PLXDC2: variants seen among roughly 807,000 people sequenced by gnomAD.
PLXDC2 encodes the protein plexin domain containing 2, also known as plexin domain-containing protein 2.
A neutral mutation model predicts 68.9 loss-of-function variants in PLXDC2; 40 were observed. The observed-to-expected ratio is 0.58, with a 90% CI of 0.45 to 0.76. The LOEUF (loss-of-function observed/expected upper bound fraction) is 0.76. Among genes scored for constraint, PLXDC2 ranks in the 30% least tolerant of loss-of-function variants. The probability of loss-of-function intolerance (pLI) is 0.00; values close to 1 mark genes in which losing one functional copy is unlikely to be tolerated. For missense variants in PLXDC2, 644 were observed against 661.9 expected (o/e 0.97, Z 0.30); for synonymous variants, 243 against 234.2 (o/e 1.04, Z -0.34).
At chr10:20,150,415 G>A (rs1051987288) in intron 6 of PLXDC2, among the ~76,000 whole-genome samples, 1 of 152,152 alleles carries the variant, frequency 6.6e-6, no homozygotes, top group Non-Finnish European at 1.5e-5. Context: ...GTGTAAATTA[G>A]TTCAGCTACT....
At chr10:20,199,614 A>G (rs1022893670) in intron 9 of PLXDC2, among the ~76,000 whole-genome samples, 6 of 152,052 alleles carry the variant, frequency 3.9e-5, no homozygotes, top group Non-Finnish European at 7.4e-5. Flanking sequence ...TTATATAAGA[A>G]GAATGAATAT....
At chr10:19,835,931 G>C (rs529715192) in intron 1 of PLXDC2, among the ~76,000 whole-genome samples, 6 of 152,120 alleles carry the variant, frequency 3.9e-5, no homozygotes, top group East Asian at 1.9e-4. Flanking sequence ...CAGCACTTTG[G>C]GGGGCTGACA....
chr10:20,148,075 A>G (rs544047800), intron 6 of PLXDC2, among the ~76,000 whole-genome samples, 173 bp downstream of exon 6: 1 of 152,138 alleles, frequency 6.6e-6, no homozygotes, highest in East Asian at 1.9e-4. Context: ...TTCTGGGTGC[A>G]TTGATTGTTA....
At chr10:20,172,230 G>GAA (rs571463676) in intron 7 of PLXDC2, among the ~76,000 whole-genome samples, 6,935 of 110,526 alleles carry the variant, frequency 0.063, 276 homozygotes, top group Middle Eastern at 0.096. Context: ...TTGTGAAAAG[G>GAA]AAAAAAAAAA....
chr10:20,185,372 G>A lies in PLXDC2; in HGVS notation c.1061+7963G>A, dbSNP rs1023473758. ...CCTAGCATATTTTGACTTTATCTGA[G>A]TTTTGCCTACTTGTTCACCACAGAG... is the stretch of plus-strand genomic sequence containing the variant. On this transcript the variant is annotated intron_variant, in intron 9 of 13. Transcript: ENST00000377252. Among the ~76,000 whole-genome samples the A allele has an allele frequency of 2.6e-5, 4 of 151,940 alleles. No individual in the cohort carries two copies. In the South Asian group the frequency reaches 6.2e-4, roughly 24 times the overall value.
chr10:20,044,135 C>CCTCCCTCCCTCCCTCT (rs1420390475), intron 2 of PLXDC2, among the ~76,000 whole-genome samples: 5 of 141,340 alleles, frequency 3.5e-5, no homozygotes, highest in Admixed American at 6.9e-5. Context: ...TCCCTCCCTC[C>CCTCCCTCCCTCCCTCT]CTCTCTCTCT....
rs1836147999 is a variant in PLXDC2, at chr10:20,285,938, C to T, written c.*6119C>T. On this transcript the variant is annotated 3_prime_UTR_variant, in exon 14 of 14. Transcript: ENST00000377252. ...TAAGGTTTTGATTAAGTTGATCTAG[C>T]CTCAACTTAAATTGTAATACATCTG... 1 of 152,136 alleles carries T rather than the reference C, an allele frequency of 6.6e-6. No individual in the cohort carries two copies. Among genetic ancestry groups the T allele is most frequent in the Non-Finnish European group, 1.5e-5 (1 of 68,024 alleles). The allele number at this position is 152,136 out of a possible 1,614,324, so 9.4% of individuals were successfully genotyped here.
intron 1 of PLXDC2, among the ~76,000 whole-genome samples, chr10:19,960,588 A>G (rs187624239): frequency 3.9e-5 from 6 of 152,106 alleles, no homozygotes; most frequent in Admixed American, 3.9e-4. Flanking sequence ...AAAGTAGAAC[A>G]CTTCTCTCCA....
chr10:20,116,610 C>G (rs1833626379), intron 4 of PLXDC2, among the ~76,000 whole-genome samples: 1 of 151,986 alleles, frequency 6.6e-6, no homozygotes, highest in African/African-American at 2.4e-5. Flanking sequence ...AATGAAGTAA[C>G]ATTAGAAGTA....
At chr10:20,253,174 G>A (rs1588545109) in intron 13 of PLXDC2, among the ~76,000 whole-genome samples, 1 of 151,812 alleles carries the variant, frequency 6.6e-6, no homozygotes, top group African/African-American at 2.4e-5. Flanking sequence ...AGACCAGCCT[G>A]GCCAACATGG....
At chr10:20,162,146 AAAAG>A (rs1834308656) in intron 6 of PLXDC2, among the ~76,000 whole-genome samples, 4 of 150,622 alleles carry the variant, frequency 2.7e-5, no homozygotes, top group Non-Finnish European at 4.4e-5. Flanking sequence ...GAAGGAAAGA[AAAAG>A]GAAGGAAGGA....
chr10:20,229,094 G>A (rs761915288), intron 12 of PLXDC2, among the ~76,000 whole-genome samples: 1 of 152,140 alleles, frequency 6.6e-6, no homozygotes, highest in African/African-American at 2.4e-5. Context: ...CACAGGTGCT[G>A]AGGAGAAAGA....
intron 2 of PLXDC2, among the ~76,000 whole-genome samples, chr10:20,002,329 A>T (rs555791537): frequency 1.3e-5 from 2 of 149,528 alleles, no homozygotes; most frequent in Admixed American, 6.8e-5. Context: ...GCACAATCTC[A>T]GCTCACTGCA....
chr10:20,208,532 A>G (rs1347132426), intron 9 of PLXDC2, among the ~76,000 whole-genome samples: 1 of 152,180 alleles, frequency 6.6e-6, no homozygotes, highest in Non-Finnish European at 1.5e-5. Context: ...AGTATATCAT[A>G]TATGTTTATA....
At chr10:19,995,244 G>A (rs1834823929) in intron 1 of PLXDC2, among the ~76,000 whole-genome samples, 1 of 152,174 alleles carries the variant, frequency 6.6e-6, no homozygotes, top group Non-Finnish European at 1.5e-5. Flanking sequence ...TCATGGTTAT[G>A]ATTTATTACA....
At chr10:19,987,463 G>T (rs952082868) in intron 1 of PLXDC2, among the ~76,000 whole-genome samples, 3 of 152,022 alleles carry the variant, frequency 2.0e-5, no homozygotes, top group African/African-American at 7.2e-5. Flanking sequence ...TGCAAATCTG[G>T]ATGTAAATGG....
chr10:20,100,518 TG>T (rs1287807429), intron 4 of PLXDC2, among the ~76,000 whole-genome samples: 1 of 152,202 alleles, frequency 6.6e-6, no homozygotes, highest in Non-Finnish European at 1.5e-5. Flanking sequence ...AAGCATTTTG[TG>T]TAATTCAGAA....
In PLXDC2 at chr10:20,287,985, AGG is replaced by A. The variant is rs1176860580; in HGVS notation, c.*8176_*8177del. The A allele has an allele frequency of 5.1e-4, 17 of 33,210 alleles. No homozygotes were observed. Among genetic ancestry groups the A allele is most frequent in the Non-Finnish European group, 1.1e-3 (17 of 15,918 alleles). The allele number at this position is 33,210 out of a possible 1,614,324, so 2.1% of individuals were successfully genotyped here. A position where few individuals can be genotyped will look rare whatever the true frequency, so the allele number is the denominator to read the frequency against. On this transcript the variant is annotated 3_prime_UTR_variant, in exon 14 of 14. Transcript: ENST00000377252. The stretch of plus-strand genomic sequence containing the variant: ...AATTGGGCACTTCTTGCGGCGGGGG[AGG>A]GGGGGGGGGCGGTGGCTTTCCAGAT...
chr10:20,210,829 A>G (rs1251147868), intron 9 of PLXDC2, among the ~76,000 whole-genome samples: 2 of 152,188 alleles, frequency 1.3e-5, no homozygotes, highest in African/African-American at 2.4e-5. Context: ...ACAATGTGCA[A>G]TAATACACAA....
Sources: allele counts gnomAD v4.1 joint callset (sites outside exome capture counted in the v4.1 genomes callset), GRCh38; gene constraint gnomAD v4.1.1; transcripts MANE v1.5; gene names NCBI Gene and HGNC (gene_info 2026-07-23, HGNC 2026-07-21).